Variants in PACS2 observed in about 807,000 individuals in gnomAD.
The protein encoded by PACS2 is phosphofurin acidic cluster sorting protein 2, also known as PACS1-like protein.
A neutral mutation model predicts 113.0 loss-of-function variants in PACS2; 36 were observed. The observed-to-expected ratio is 0.32, with a 90% CI of 0.24 to 0.42. The LOEUF is 0.42. Among genes scored for constraint, PACS2 ranks in the 10% least tolerant of loss-of-function variants. The probability of loss-of-function intolerance (pLI) is 1.00; values close to 1 mark genes in which losing one functional copy is unlikely to be tolerated. For synonymous variants in PACS2, 589 were observed against 536.1 expected, an observed-to-expected ratio of 1.10 and a Z score of -1.36; for missense variants, 1,015 against 1,239.5, an observed-to-expected ratio of 0.82 and a Z score of 2.72.
At chr14:105,375,858 G>T (rs587748265) in intron 8 of PACS2, among the ~76,000 whole-genome samples, 3 of 152,324 alleles carry the variant, frequency 2.0e-5, no homozygotes, top group African/African-American at 7.2e-5. Context: ...ATGCCCGTCA[G>T]CTGGTGATCT....
At position 105,364,610 on chromosome 14, in the gene PACS2, C is replaced by T. The variant is rs1450571709; in HGVS notation, c.424-2603C>T. Among the ~76,000 whole-genome samples, 5 of 150,904 alleles carry T rather than the reference C, an allele frequency of 3.3e-5. No individual in the cohort carries two copies. The South Asian group carries it at 6.2e-4, about 19-fold the overall frequency. On this transcript the variant is annotated intron_variant, in intron 4 of 24. Transcript: ENST00000447393. ...TGCATGTCTCAGAACATACCTCTGT[C>T]GTTACGTGGTGCATGACTGTTTTTG...
At chr14:105,386,301 C>T (rs587636766) in intron 19 of PACS2, among the ~76,000 whole-genome samples, 168 of 152,220 alleles carry the variant, frequency 1.1e-3, no homozygotes, top group African/African-American at 3.7e-3. Flanking sequence ...AGCGGCTGTG[C>T]CTTGGGCCCC....
chr14:105,387,697 C>T (rs1456894854), intron 19 of PACS2, among the ~76,000 whole-genome samples: 3 of 152,270 alleles, frequency 2.0e-5, no homozygotes, highest in African/African-American at 7.2e-5. Context: ...TGTGACGTCT[C>T]CTGCATTCGG....
chr14:105,331,429 A>G (rs958808630), intron 1 of PACS2, among the ~76,000 whole-genome samples: 5 of 151,650 alleles, frequency 3.3e-5, no homozygotes, highest in African/African-American at 1.2e-4. Flanking sequence ...ATTTATTTGT[A>G]TTTTTGAGAC....
At chr14:105,362,894 T>C (rs1555407000) in intron 4 of PACS2, among the ~76,000 whole-genome samples, 1 of 152,120 alleles carries the variant, frequency 6.6e-6, no homozygotes, top group Non-Finnish European at 1.5e-5. Flanking sequence ...CCTTGATGCA[T>C]GGGCTGCCTG....
At chr14:105,342,488 C>T (rs1555401804) in intron 1 of PACS2, among the ~76,000 whole-genome samples, 3 of 151,728 alleles carry the variant, frequency 2.0e-5, no homozygotes, top group African/African-American at 7.3e-5. Flanking sequence ...AGGCTGGTCT[C>T]GAACTCCTGG....
intron 1 of PACS2, among the ~76,000 whole-genome samples, chr14:105,342,860 G>A (rs377622998): frequency 7.3e-4 from 110 of 151,330 alleles, no homozygotes; most frequent in Admixed American, 2.0e-4. Flanking sequence ...GCTTGAACCC[G>A]GGAGGCGGAG....
intron 11 of PACS2, among the ~76,000 whole-genome samples, chr14:105,380,400 TC>T (rs1251217386): frequency 7.0e-6 from 1 of 143,416 alleles, no homozygotes; most frequent in East Asian, 2.1e-4. Context: ...GCAGCTGGAC[TC>T]CCCCCACCCG....
chr14:105,343,439 T>C (rs2059808389), intron 1 of PACS2, among the ~76,000 whole-genome samples: 1 of 152,238 alleles, frequency 6.6e-6, no homozygotes, highest in Non-Finnish European at 1.5e-5. Flanking sequence ...GCCAAACTGC[T>C]TTCCAGTGAC....
Position 105,383,766 on chromosome 14 carries a change from A to C in PACS2, c.1780+253A>C, listed in dbSNP as rs1253613402. ...ATAACTTGATTGCCCTAAAACAGCC[A>C]TTTGGGTCAAGATAAAGCCATCGCC... On this transcript the variant is annotated intron_variant, in intron 16 of 24. Coordinates refer to ENST00000447393, the MANE Select transcript of PACS2 (RefSeq NM_001100913.3). The C allele has an allele frequency of 8.2e-6, 4 of 489,576 alleles. No individual in the cohort carries two copies. The Admixed American group carries it at 1.6e-4, about 19-fold the overall frequency. 30.3% of individuals were successfully genotyped at this position (489,576 alleles called of 1,614,324 possible). A position where few individuals can be genotyped will look rare whatever the true frequency, so the allele number is the denominator to read the frequency against.
chr14:105,301,256 G>T (rs2058009601), intron 1 of PACS2: 1 of 151,062 alleles, frequency 6.6e-6, no homozygotes, highest in Admixed American at 6.6e-5. Flanking sequence ...CTCGGATAGT[G>T]AGCGCGGTCT....
chr14:105,335,917 C>T (rs587683921), intron 1 of PACS2, among the ~76,000 whole-genome samples: 1 of 152,332 alleles, frequency 6.6e-6, no homozygotes, highest in Non-Finnish European at 1.5e-5. Context: ...TCCATGAGGA[C>T]GGCGGTGCCC....
At chr14:105,314,169 G>A (rs374452568), upstream of PACS2, among the ~76,000 whole-genome samples, 57 of 152,260 alleles carry the variant, frequency 3.7e-4, 2 homozygotes, top group South Asian at 6.0e-3. Context: ...GCGTCCCGGG[G>A]AACCCACGCA....
rs1555414895 is a variant in PACS2 at position 105,391,679 on chromosome 14, C to A, written c.2168C>A (p.Thr723Asn). The A allele has an allele frequency of 3.1e-6, 5 of 1,609,168 alleles. No individual in the cohort carries two copies. The highest frequency in any genetic ancestry group is 4.2e-6 in the Non-Finnish European group (5 of 1,178,634). The change falls in exon 22 of 25, where the codon ACC becomes AAC. Residue 723 changes from threonine to asparagine, a missense_variant. Around this residue, in one of 3 missense-constraint regions of PACS2, gnomAD observed 859 missense variants for 1,056.8 expected, o/e 0.81. Coordinates refer to ENST00000447393, the MANE Select transcript of PACS2 (RefSeq NM_001100913.3). Reference protein sequence around the residue: ...APSGSGTLSSTPPSASPAAKE... With the variant: ...APSGSGTLSSNPPSASPAAKE... ...TCGGGCTCTGGCACGCTCTCCTCCA[C>A]CCCGCCGTCCGCATCTCCTGCGGCC...
rs1040618301 is a variant in PACS2, at chr14:105,358,888, C to G, written c.423+3711C>G. ...TAGTTTCTCTCTATGAGTGTCTGCA[C>G]AGCCACAGGCTGCTGATGACAGCCC... On this transcript the variant is annotated intron_variant, in intron 4 of 24. Transcript: ENST00000447393. This position sits in a 1 kb window ranked among gnomAD's most constrained non-coding sequence, Gnocchi z 4.9. 2.0e-5 allele frequency among the ~76,000 whole-genome samples: 3 copies of G among 152,244 alleles called. No homozygotes were observed. The highest frequency in any genetic ancestry group is 2.4e-5 in the African/African-American group (1 of 41,462).
chr14:105,306,660 C>T (rs587640480), intron 1 of PACS2, among the ~76,000 whole-genome samples: 2 of 152,008 alleles, frequency 1.3e-5, no homozygotes, highest in East Asian at 3.9e-4. Flanking sequence ...GGCTGTAGTG[C>T]AATGGCACGA....
intron 1 of PACS2, among the ~76,000 whole-genome samples, chr14:105,346,116 G>A (rs1555402542): frequency 1.3e-5 from 2 of 152,226 alleles, no homozygotes; most frequent in African/African-American, 4.8e-5. Context: ...CTCTGACAGA[G>A]ATGTCTGTAG....
intron 8 of PACS2, chr14:105,370,157 A>G (rs1381394715): frequency 2.3e-6 from 1 of 434,716 alleles, no homozygotes; most frequent in Admixed American, 4.3e-5. Flanking sequence ...AGGGGGATGT[A>G]ACCATTAGTT....
chr14:105,368,869 A>G (rs2061048650), intron 7 of PACS2, among the ~76,000 whole-genome samples: 1 of 152,194 alleles, frequency 6.6e-6, no homozygotes, highest in Admixed American at 6.5e-5. Context: ...GTGCCCACAT[A>G]CACCTGAGTG....
Sources: gnomAD v4.1 joint callset for allele counts (sites outside exome capture counted in the v4.1 genomes callset) on GRCh38, gnomAD v4.1.1 for gene constraint, gnomAD v4.1.1 regional missense constraint, Gnocchi (gnomAD v3.1) non-coding constraint, MANE v1.5 for transcripts, NCBI Gene and HGNC (gene_info 2026-07-23, HGNC 2026-07-21) for gene names.